The following KIF11 variants were observed in gnomAD, a reference collection of about 807,000 sequenced individuals.
KIF11 encodes kinesin-like protein KIF11.
Under a neutral mutation model 121.0 loss-of-function variants are expected in KIF11, and 9 were observed. The observed-to-expected ratio is 0.07, with a 90% confidence interval of 0.04 to 0.13. The LOEUF (loss-of-function observed/expected upper bound fraction) is 0.13, where lower values mean the gene tolerates loss of function less well. Among genes scored for constraint, KIF11 ranks in the 10% least tolerant of loss-of-function variants. KIF11 has a pLI of 1.00. For synonymous variants in KIF11, 408 were observed against 421.0 expected, an observed-to-expected ratio of 0.97 and a Z score of 0.38; for missense variants, 846 against 1,217.5, an observed-to-expected ratio of 0.69 and a Z score of 4.54.
At chr10:92,619,564 AC>A (rs1281491851) in intron 9 of KIF11, among the ~76,000 whole-genome samples, 3 of 152,074 alleles carry the variant, frequency 2.0e-5, no homozygotes, top group Non-Finnish European at 4.4e-5. Flanking sequence ...ATTTTAGGGA[AC>A]TGCCTGTTTT....
chr10:92,640,747 A>G (rs1349122324), intron 17 of KIF11, among the ~76,000 whole-genome samples: 1 of 146,114 alleles, frequency 6.8e-6, no homozygotes, highest in Non-Finnish European at 1.5e-5. Context: ...GTTTTTTCAG[A>G]CAAAAACAAA....
intron 9 of KIF11, among the ~76,000 whole-genome samples, chr10:92,620,141 T>G (rs1308298038): frequency 6.8e-6 from 1 of 148,084 alleles, no homozygotes; most frequent in Non-Finnish European, 1.5e-5. Context: ...AGTGCAGTGG[T>G]GCCATCTCGG....
chr10:92,607,981 C>A (rs1019358650), intron 4 of KIF11, among the ~76,000 whole-genome samples: 1 of 151,564 alleles, frequency 6.6e-6, no homozygotes. Context: ...ATGGTGAAAC[C>A]CGGTCTCTAC....
intron 10 of KIF11, among the ~76,000 whole-genome samples, chr10:92,625,924 G>A (rs1365935377): frequency 6.6e-6 from 1 of 152,150 alleles, no homozygotes; most frequent in Non-Finnish European, 1.5e-5. Flanking sequence ...AAAGAAATCA[G>A]AGTTGACACT....
intron 1 of KIF11, among the ~76,000 whole-genome samples, chr10:92,604,735 A>G (rs1292552035): frequency 6.6e-6 from 1 of 152,146 alleles, no homozygotes; most frequent in Non-Finnish European, 1.5e-5. Flanking sequence ...TTTCTCCAAA[A>G]TATATGATAC....
chr10:92,613,651 G>C lies in KIF11; in HGVS notation c.1032+32G>C. The C allele has an allele frequency of 6.3e-7, 1 of 1,576,620 alleles. No individual in the cohort carries two copies. The highest frequency in any genetic ancestry group is 8.6e-7 in the Non-Finnish European group (1 of 1,162,532). On this transcript the variant is annotated intron_variant, in intron 8 of 21. Coordinates refer to ENST00000260731, the MANE Select transcript of KIF11 (RefSeq NM_004523.4). This position sits in a 1 kb window ranked among gnomAD's most constrained non-coding sequence, Gnocchi z 4.2. The stretch of plus-strand genomic sequence containing the variant: ...CCTTTGAAAGGAAGCTGCAAGTGTA[G>C]TAGCTGTAATTCTTATTTGGCTATT...
intron 17 of KIF11, among the ~76,000 whole-genome samples, chr10:92,644,678 C>CA (rs1477153112): frequency 1.3e-5 from 2 of 151,996 alleles, no homozygotes; most frequent in Non-Finnish European, 2.9e-5. Flanking sequence ...TTTGCTGACT[C>CA]ACTTGGTTTA....
Position 92,637,182 on chromosome 10 carries a change from A to G in KIF11, c.1876-2A>G. ...GACCTATTTGTTTATTTCTGAAACC[A>G]GAATGTACTCAAGACTGATCTTCTA... is the stretch of plus-strand genomic sequence containing the variant. On this transcript the variant is annotated splice_acceptor_variant, in intron 14 of 21. Coordinates refer to ENST00000260731, the MANE Select transcript of KIF11 (RefSeq NM_004523.4). LOFTEE classifies it high-confidence loss of function. 1 of 1,578,720 alleles carries G rather than the reference A, an allele frequency of 6.3e-7. No homozygotes were observed. Among genetic ancestry groups the G allele is most frequent in the South Asian group, 1.2e-5 (1 of 85,120 alleles).
chr10:92,593,518 C>T, intron 1 of KIF11, 66 bp downstream of exon 1: 1 of 1,389,338 alleles, frequency 7.2e-7, no homozygotes, highest in Non-Finnish European at 9.9e-7. Flanking sequence ...ACTGCGCGGT[C>T]CAGGGAGAGG....
At chr10:92,610,459 A>G (rs1452197613) in intron 6 of KIF11, among the ~76,000 whole-genome samples, 2 of 152,174 alleles carry the variant, frequency 1.3e-5, no homozygotes, top group Middle Eastern at 3.4e-3. Context: ...TAAGTTAGAA[A>G]CTCCTTTTTT....
At chr10:92,621,582 A>G (rs1304414023) in intron 10 of KIF11, 109 bp downstream of exon 10, 12 of 603,436 alleles carry the variant, frequency 2.0e-5, no homozygotes, top group Non-Finnish European at 1.7e-5. Context: ...TCCAGTGCCG[A>G]TAAATACTTC....
chr10:92,627,510 C>A (rs533545812), intron 10 of KIF11, among the ~76,000 whole-genome samples: 1 of 152,216 alleles, frequency 6.6e-6, no homozygotes, highest in South Asian at 2.1e-4. Context: ...ATATAGCATC[C>A]TTTTATTTTA....
At chr10:92,599,990 A>G (rs1306486072) in intron 1 of KIF11, among the ~76,000 whole-genome samples, 6 of 131,364 alleles carry the variant, frequency 4.6e-5, no homozygotes, top group Admixed American at 1.6e-4. Flanking sequence ...TCTGTTTATT[A>G]TTATTATTAT....
chr10:92,602,918 C>T (rs182743525), intron 1 of KIF11, among the ~76,000 whole-genome samples: 102 of 151,340 alleles, frequency 6.7e-4, no homozygotes, highest in African/African-American at 2.2e-3. Flanking sequence ...TGCAATGGCG[C>T]GATCTCGGCT....
chr10:92,605,371 CATT>C (rs1844417472), intron 1 of KIF11, among the ~76,000 whole-genome samples: 1 of 151,576 alleles, frequency 6.6e-6, no homozygotes, highest in Non-Finnish European at 1.5e-5. Flanking sequence ...ACTTATTAGT[CATT>C]ATTTTTATGT....
At position 92,654,931 on chromosome 10, in the gene KIF11, C is replaced by T. The variant is rs1361716025; in HGVS notation, c.*1135C>T. 1.3e-5 allele frequency: 2 copies of T among 152,560 alleles called. No homozygotes were observed. The highest frequency in any genetic ancestry group is 2.9e-5 in the Non-Finnish European group (2 of 68,026). The allele number at this position is 152,560 out of a possible 1,614,324, so 9.5% of individuals were successfully genotyped here. On this transcript the variant is annotated 3_prime_UTR_variant, in exon 22 of 22. Coordinates refer to ENST00000260731, the MANE Select transcript of KIF11 (RefSeq NM_004523.4). ...ATGATTTAAGGACTGTTTGAAACTT[C>T]CAATTATGTCTATAATTTATATTCT... is the stretch of plus-strand genomic sequence containing the variant.
Position 92,609,152 on chromosome 10 carries a change from C to A in KIF11, c.520C>A (p.Pro174Thr). The A allele has an allele frequency of 6.3e-7, 1 of 1,599,086 alleles. No individual in the cohort carries two copies. The highest frequency in any genetic ancestry group is 8.5e-7 in the Non-Finnish European group (1 of 1,172,582). The change falls in exon 5 of 22, where the codon CCA (proline) becomes ACA (threonine). Residue 174 changes from proline (P) to threonine (T), a missense_variant. This residue lies in a region of KIF11 where 116 missense variants were observed against 285.3 expected (regional missense o/e 0.41). Transcript: ENST00000260731. ...TGAAGAGCTTTTTGATCTTCTTAATCCATCATCTGATGTTTCTGAGAGACT... is the reference window on the plus strand; with the variant it reads ...TGAAGAGCTTTTTGATCTTCTTAATACATCATCTGATGTTTCTGAGAGACT... ...YNEELFDLLN[P>T]SSDVSERLQM...
At chr10:92,634,241 C>T (rs11819282) in intron 14 of KIF11, among the ~76,000 whole-genome samples, 5,338 of 152,058 alleles carry the variant, frequency 0.035, 349 homozygotes, top group African/African-American at 0.12. Context: ...CCTCGGCCTC[C>T]CAAAGTGCTG....
intron 9 of KIF11, among the ~76,000 whole-genome samples, 197 bp downstream of exon 9, chr10:92,617,029 C>G (rs1352929301): frequency 6.6e-6 from 1 of 152,152 alleles, no homozygotes; most frequent in Non-Finnish European, 1.5e-5. Flanking sequence ...CCAACTTTAT[C>G]AACTGAGTTG....
Sources: allele counts gnomAD v4.1 joint callset (sites outside exome capture counted in the v4.1 genomes callset), GRCh38; gene constraint gnomAD v4.1.1; regional missense constraint gnomAD v4.1.1; non-coding constraint Gnocchi (gnomAD v3.1); transcripts MANE v1.5; gene names NCBI Gene and HGNC (gene_info 2026-07-23, HGNC 2026-07-21).